Variants in TSHZ2 observed in about 807,000 individuals in gnomAD.
The protein encoded by TSHZ2 is teashirt zinc finger homeobox 2, also known as teashirt homolog 2.
TSHZ2 carries 21 observed loss-of-function variants against 74.4 expected under a neutral mutation model. The observed-to-expected ratio is 0.28, with a 90% CI of 0.20 to 0.41. The LOEUF (loss-of-function observed/expected upper bound fraction) is 0.41. Ranked by LOEUF, TSHZ2 falls within the 10% of genes least tolerant of loss-of-function variation. The probability of loss-of-function intolerance (pLI) is 1.00; values close to 1 mark genes in which losing one functional copy is unlikely to be tolerated. For missense variants in TSHZ2, 1,244 were observed against 1,293.5 expected, an observed-to-expected ratio of 0.96 and a Z score of 0.59; for synonymous variants, 540 against 515.3, an observed-to-expected ratio of 1.05 and a Z score of -0.65.
chr20:53,487,798 C>G lies in TSHZ2; in HGVS notation c.*663C>G, dbSNP rs1333263155. On this transcript the variant is annotated 3_prime_UTR_variant, in exon 3 of 3. Transcript: ENST00000371497. ...AAGAAAACCCCTGAACAATGTTCATCTTCTGTGAAACTTGCTCAAATAGTT... is the reference window on the plus strand; with the variant it reads ...AAGAAAACCCCTGAACAATGTTCATGTTCTGTGAAACTTGCTCAAATAGTT... The G allele has an allele frequency of 2.0e-5, 3 of 152,162 alleles. No individual in the cohort carries two copies. Among genetic ancestry groups the G allele is most frequent in the Non-Finnish European group, 4.4e-5 (3 of 68,040 alleles). 9.4% of individuals were successfully genotyped at this position (152,162 alleles called of 1,614,324 possible).
At chr20:53,217,605 G>A (rs1989465857) in intron 1 of TSHZ2, among the ~76,000 whole-genome samples, 1 of 152,178 alleles carries the variant, frequency 6.6e-6, no homozygotes, top group Non-Finnish European at 1.5e-5. Context: ...CTGGTGCTCA[G>A]TCTAGAGGAG....
rs1184085087 is a variant in TSHZ2, at chr20:53,253,515, A to G, written c.57A>G (p.Glu19=). The G allele has an allele frequency of 1.3e-6, 2 of 1,490,940 alleles. No homozygotes were observed. The highest frequency in any genetic ancestry group is 2.5e-5 in the East Asian group (1 of 40,808). The allele number at this position is 1,490,940 out of a possible 1,614,324, so 92.4% of individuals were successfully genotyped here. ...CTCTTGCAGGCTACGCCCAGGAGGAACAGCTGAAAGAAGAGGAGGAAATAA... is the reference window on the plus strand; with the variant it reads ...CTCTTGCAGGCTACGCCCAGGAGGAGCAGCTGAAAGAAGAGGAGGAAATAA... ...PKRAAGYAQE[E]QLKEEEEIKE... The change falls in exon 2 of 3, where the codon GAA becomes GAG. Residue 19 remains glutamate (E), a synonymous_variant. Coordinates refer to ENST00000371497, the MANE Select transcript of TSHZ2 (RefSeq NM_173485.6).
chr20:53,102,366 T>G (rs183578569), intron 1 of TSHZ2, among the ~76,000 whole-genome samples: 220 of 151,564 alleles, frequency 1.5e-3, no homozygotes, highest in Middle Eastern at 6.8e-3. Flanking sequence ...ATTTTTCACT[T>G]TTTGTCACAT....
intron 1 of TSHZ2, among the ~76,000 whole-genome samples, chr20:52,983,001 G>A (rs866790889): frequency 1.6e-4 from 24 of 152,166 alleles, no homozygotes; most frequent in African/African-American, 4.1e-4. Flanking sequence ...TGCTCTCTCC[G>A]TCTACTTACC....
At chr20:53,229,301 C>G (rs1335367614) in intron 1 of TSHZ2, among the ~76,000 whole-genome samples, 1 of 151,986 alleles carries the variant, frequency 6.6e-6, no homozygotes, top group Non-Finnish European at 1.5e-5. Flanking sequence ...CAGTACGTCA[C>G]CTTTGCCCTG....
intron 2 of TSHZ2, among the ~76,000 whole-genome samples, chr20:53,316,516 G>T (rs902542909): frequency 6.6e-6 from 1 of 151,232 alleles, no homozygotes; most frequent in Non-Finnish European, 1.5e-5. Flanking sequence ...CAGCAGCCTC[G>T]AAGACTGATC....
intron 1 of TSHZ2, among the ~76,000 whole-genome samples, chr20:52,976,533 A>G (rs1177103088): frequency 6.6e-6 from 1 of 152,202 alleles, no homozygotes; most frequent in Non-Finnish European, 1.5e-5. Context: ...TTCAAGGGAG[A>G]TAGAGAAAAT....
At chr20:53,443,176 T>C (rs779529951) in intron 2 of TSHZ2, among the ~76,000 whole-genome samples, 4 of 152,210 alleles carry the variant, frequency 2.6e-5, no homozygotes, top group African/African-American at 7.2e-5. Flanking sequence ...TTTTTCTGCA[T>C]ACAAGTGGTC....
intron 1 of TSHZ2, among the ~76,000 whole-genome samples, chr20:53,253,121 T>G (rs766550468): frequency 4.6e-5 from 7 of 152,122 alleles, no homozygotes; most frequent in Non-Finnish European, 7.4e-5. Context: ...GAGCCAACAT[T>G]CTTCCCTGTA....
intron 1 of TSHZ2, among the ~76,000 whole-genome samples, chr20:53,246,040 C>CTTTCTTTCTTTTTTTTTTTTTTT (rs796704423): frequency 7.7e-6 from 1 of 130,648 alleles, no homozygotes; most frequent in African/African-American, 3.1e-5. Context: ...TTCTTTCTTT[C>CTTTCTTTCTTTTTTTTTTTTTTT]TTTTTTTTTT....
At chr20:53,154,278 A>T (rs1445087088) in intron 1 of TSHZ2, among the ~76,000 whole-genome samples, 1 of 151,836 alleles carries the variant, frequency 6.6e-6, no homozygotes, top group Non-Finnish European at 1.5e-5. Context: ...AAGGGGAATG[A>T]CCTAAGTGAC....
In TSHZ2 at chr20:53,488,848, A is replaced by C. The variant is rs1002014071; in HGVS notation, c.*1713A>C. The C allele has an allele frequency of 2.9e-6, 1 of 342,948 alleles. No individual in the cohort carries two copies. Among genetic ancestry groups the C allele is most frequent in the Non-Finnish European group, 5.7e-6 (1 of 175,188 alleles). 21.2% of individuals were successfully genotyped at this position (342,948 alleles called of 1,614,324 possible). ...CAACATTGGGATTAAAAAAAAAAAA[A>C]AACTTCTTATTTACCTCCTAGGGAA... On this transcript the variant is annotated 3_prime_UTR_variant, in exon 3 of 3. Coordinates refer to ENST00000371497, the MANE Select transcript of TSHZ2 (RefSeq NM_173485.6).
chr20:53,354,585 C>A (rs1055662833), intron 2 of TSHZ2, among the ~76,000 whole-genome samples: 1 of 152,126 alleles, frequency 6.6e-6, no homozygotes, highest in African/African-American at 2.4e-5. Context: ...ATCAAAGGGT[C>A]ACTTAACAAA....
At chr20:53,228,058 T>C (rs141660485) in intron 1 of TSHZ2, among the ~76,000 whole-genome samples, 1 of 142,654 alleles carries the variant, frequency 7.0e-6, no homozygotes, top group African/African-American at 2.6e-5. Context: ...TTGTTGCTGG[T>C]ATCATTTAAG....
chr20:53,434,124 C>A (rs1244491077), intron 2 of TSHZ2, among the ~76,000 whole-genome samples: 1 of 152,134 alleles, frequency 6.6e-6, no homozygotes, highest in Non-Finnish European at 1.5e-5. Flanking sequence ...GCCTACTCGG[C>A]CTCCCAAAGT....
At chr20:53,451,967 T>C (rs141055777) in intron 2 of TSHZ2, among the ~76,000 whole-genome samples, 233 of 152,368 alleles carry the variant, frequency 1.5e-3, no homozygotes, top group African/African-American at 5.2e-3. Context: ...CAAGGCTAGA[T>C]AGACTTAGTG....
Position 53,213,699 on chromosome 20 carries a change from T to G in TSHZ2, c.41-39800T>G, listed in dbSNP as rs1989367616. 2.1e-5 allele frequency among the ~76,000 whole-genome samples: 3 copies of G among 146,104 alleles called. No homozygotes were observed. In the Middle Eastern group the frequency reaches 0.01, roughly 504 times the overall value. ...AAGAATTTAATAAACTAATTGGACT[T>G]TTTTTTTTTTTTGCAATTTCATGCC... is the stretch of plus-strand genomic sequence containing the variant. On this transcript the variant is annotated intron_variant, in intron 1 of 2. Coordinates refer to ENST00000371497, the MANE Select transcript of TSHZ2 (RefSeq NM_173485.6).
intron 1 of TSHZ2, among the ~76,000 whole-genome samples, chr20:53,080,386 G>A (rs918398738): frequency 2.6e-5 from 4 of 152,160 alleles, no homozygotes; most frequent in African/African-American, 9.7e-5. Flanking sequence ...TGTAGGCAAG[G>A]ACAAAGGTAC....
At chr20:53,391,408 G>T (rs922780568) in intron 2 of TSHZ2, among the ~76,000 whole-genome samples, 1 of 151,740 alleles carries the variant, frequency 6.6e-6, no homozygotes, top group South Asian at 2.1e-4. Flanking sequence ...GCCTCCCAAA[G>T]TGCTGGGATT....
Sources: allele counts gnomAD v4.1 joint callset (sites outside exome capture counted in the v4.1 genomes callset), GRCh38; gene constraint gnomAD v4.1.1; transcripts MANE v1.5; gene names NCBI Gene and HGNC (gene_info 2026-07-23, HGNC 2026-07-21).